The following PCDHA13 variants were observed in gnomAD, a reference collection of about 807,000 sequenced individuals.
The protein encoded by PCDHA13 is protocadherin alpha 13.
A neutral mutation model predicts 64.8 loss-of-function variants in PCDHA13; 54 were observed. The observed-to-expected ratio is 0.83, with a 90% CI of 0.67 to 1.04. PCDHA13 has a LOEUF of 1.04. PCDHA13 is among the 50% of genes least tolerant of loss of function. The probability of loss-of-function intolerance (pLI) is 0.00; values close to 1 mark genes in which losing one functional copy is unlikely to be tolerated. For missense variants in PCDHA13, 1,248 were observed against 1,254.3 expected (o/e 0.99, Z 0.08); for synonymous variants, 587 against 564.4 (o/e 1.04, Z -0.57).
intron 1 of PCDHA13, among the ~76,000 whole-genome samples, chr5:140,901,744 A>G (rs781984509): frequency 1.3e-5 from 2 of 152,144 alleles, no homozygotes; most frequent in Non-Finnish European, 2.9e-5. Context: ...AAGAATGTCC[A>G]TGGTATTTTG....
chr5:140,973,388 G>T (rs1192097180), intron 1 of PCDHA13, among the ~76,000 whole-genome samples: 4 of 152,202 alleles, frequency 2.6e-5, no homozygotes, highest in South Asian at 4.1e-4. Flanking sequence ...AATAGACAAA[G>T]AAATCATATC....
intron 1 of PCDHA13, among the ~76,000 whole-genome samples, chr5:140,913,414 CA>C: frequency 6.6e-6 from 1 of 152,102 alleles, no homozygotes; most frequent in African/African-American, 2.4e-5. Context: ...TGAATTCCTG[CA>C]GTATCAGTTG....
At chr5:140,968,442 T>C in intron 1 of PCDHA13, 1 of 1,614,068 alleles carries the variant, frequency 6.2e-7, no homozygotes, top group Non-Finnish European at 8.5e-7. Flanking sequence ...AGCCCACCAC[T>C]GAGCAGCACT....
In PCDHA13 at chr5:140,882,793, C is replaced by T. The variant is rs1176435531; in HGVS notation, c.525C>T (p.Asn175=). The T allele has an allele frequency of 1.9e-6, 3 of 1,614,210 alleles. No homozygotes were observed. The highest frequency in any genetic ancestry group is 2.5e-6 in the Non-Finnish European group (3 of 1,180,046). Residue 175 remains asparagine (N), a synonymous_variant, in exon 1 of 4, where the codon AAC becomes AAT. Transcript: ENST00000289272. ...CATTGACCTACCGACTGGATCCCAA[C>T]GATTATTTCACTTTGGACGCACAAA... The part of the protein sequence containing the change: ...NSALTYRLDP[N]DYFTLDAQNS...
At chr5:140,912,922 G>A (rs1554195623) in intron 1 of PCDHA13, among the ~76,000 whole-genome samples, 3 of 152,210 alleles carry the variant, frequency 2.0e-5, no homozygotes, top group African/African-American at 7.2e-5. Context: ...ATTTGTGTAT[G>A]TTGAATCATC....
intron 1 of PCDHA13, among the ~76,000 whole-genome samples, chr5:140,921,089 T>C (rs2080011859): frequency 6.6e-6 from 1 of 151,966 alleles, no homozygotes; most frequent in African/African-American, 2.4e-5. Context: ...AAGAGAATCC[T>C]CCTGCCTCAG....
At chr5:140,894,066 A>G (rs997633914) in intron 1 of PCDHA13, among the ~76,000 whole-genome samples, 1 of 152,204 alleles carries the variant, frequency 6.6e-6, no homozygotes, top group Admixed American at 6.5e-5. Context: ...ATTTTTAAAT[A>G]CATTTATTTT....
At chr5:140,928,157 C>T (rs782528366) in intron 1 of PCDHA13, 9 of 1,614,200 alleles carry the variant, frequency 5.6e-6, no homozygotes, top group Non-Finnish European at 7.6e-6. Flanking sequence ...GATAGTGGCT[C>T]ACCCCCACTT....
In PCDHA13 at chr5:140,928,114, A is replaced by C. The variant is rs200013855; in HGVS notation, c.2394+43452A>C. ...TGATGGGCCCCTGGACCGGGAGCAG[A>C]TCAGTGAATACCAAGTCCTGATCAC... On this transcript the variant is annotated intron_variant, in intron 1 of 3. Coordinates refer to ENST00000289272, the MANE Select transcript of PCDHA13 (RefSeq NM_018904.3). 280 of 1,614,088 alleles carry C rather than the reference A, an allele frequency of 1.7e-4. No individual in the cohort carries two copies. Among genetic ancestry groups the C allele is most frequent in the Middle Eastern group, 6.6e-4 (4 of 6,084 alleles).
At chr5:140,887,431 A>C (rs2061444829) in intron 1 of PCDHA13, among the ~76,000 whole-genome samples, 1 of 152,112 alleles carries the variant, frequency 6.6e-6, no homozygotes, top group African/African-American at 2.4e-5. Context: ...AAGTATTTTC[A>C]CTGGGCATAG....
intron 1 of PCDHA13, among the ~76,000 whole-genome samples, chr5:140,963,581 G>A (rs2095775682): frequency 6.6e-6 from 1 of 152,210 alleles, no homozygotes; most frequent in Non-Finnish European, 1.5e-5. Flanking sequence ...TTCTCAAAAT[G>A]TAGGATATAG....
rs782194525 is a variant in PCDHA13 at position 140,927,807 on chromosome 5, C to T, written c.2394+43145C>T. The T allele has an allele frequency of 8.7e-6, 14 of 1,614,088 alleles. No homozygotes were observed. In the African/African-American group the frequency reaches 1.3e-4, roughly 15 times the overall value. Reference sequence around the variant, plus strand: ...CTTCACTAGGTCCGCCTGAAACGCTCTTGGAGGCATACATTGAGGCGAGGG... The same window carrying T: ...CTTCACTAGGTCCGCCTGAAACGCTTTTGGAGGCATACATTGAGGCGAGGG... On this transcript the variant is annotated intron_variant, in intron 1 of 3. Coordinates refer to ENST00000289272, the MANE Select transcript of PCDHA13 (RefSeq NM_018904.3).
Position 141,009,759 on chromosome 5 carries a change from GATCTCCTGCAATCATCTCC to G in PCDHA13, c.2679_2697del (p.Pro894GlyfsTer15). 6.2e-7 allele frequency: 1 copy of G among 1,614,082 alleles called. No individual in the cohort carries two copies. The highest frequency in any genetic ancestry group is 8.5e-7 in the Non-Finnish European group (1 of 1,180,014). On this transcript the variant is annotated frameshift_variant, in exon 4 of 4. Transcript: ENST00000289272. LOFTEE classifies it high-confidence loss of function. Reference sequence around the variant, plus strand: ...TTGCCCGACAAATTCATTATCCCAGGATCTCCTGCAATCATCTCCATCCGGCAGGAGCCTACTAACAGCC... The same window carrying G: ...TTGCCCGACAAATTCATTATCCCAGGATCCGGCAGGAGCCTACTAACAGCC...
chr5:141,009,258 C>A (rs1311772308), intron 3 of PCDHA13, among the ~76,000 whole-genome samples: 1 of 152,086 alleles, frequency 6.6e-6, no homozygotes, highest in Admixed American at 6.6e-5. Flanking sequence ...TGTTTGAGAC[C>A]AGCCTGGGCA....
chr5:140,945,850 T>G (rs1472612975), intron 1 of PCDHA13, among the ~76,000 whole-genome samples: 1 of 152,102 alleles, frequency 6.6e-6, no homozygotes, highest in Non-Finnish European at 1.5e-5. Context: ...ATTAAAGACT[T>G]AAACATAGAC....
chr5:141,004,045 G>T (rs1588047334), intron 3 of PCDHA13, among the ~76,000 whole-genome samples: 1 of 152,222 alleles, frequency 6.6e-6, no homozygotes, highest in East Asian at 1.9e-4. Flanking sequence ...TTGATCATTT[G>T]CTGATACTGG....
rs189155751 is a variant in PCDHA13 at position 140,943,432 on chromosome 5, T to C, written c.2395-35517T>C. 2.8e-3 allele frequency among the ~76,000 whole-genome samples: 419 copies of C among 152,174 alleles called. 2 individuals carry two copies. The highest frequency in any genetic ancestry group is 0.014 in the Middle Eastern group (4 of 294). Reference sequence around the variant, plus strand: ...ACTAGAGGCAAGGGCTTTAATATGATATAAAGGATAGAATTGATAAGGCTA... The same window carrying C: ...ACTAGAGGCAAGGGCTTTAATATGACATAAAGGATAGAATTGATAAGGCTA... On this transcript the variant is annotated intron_variant, in intron 1 of 3. Coordinates refer to ENST00000289272, the MANE Select transcript of PCDHA13 (RefSeq NM_018904.3).
chr5:140,887,523 A>G (rs2061479096), intron 1 of PCDHA13, among the ~76,000 whole-genome samples: 1 of 152,078 alleles, frequency 6.6e-6, no homozygotes, highest in Non-Finnish European at 1.5e-5. Flanking sequence ...TTTATATATG[A>G]GTCTTCCTCT....
chr5:140,899,162 C>T (rs1237064232), intron 1 of PCDHA13, among the ~76,000 whole-genome samples: 31 of 152,224 alleles, frequency 2.0e-4, no homozygotes, highest in African/African-American at 7.2e-4. Flanking sequence ...TTCCTCTTTT[C>T]CTAATTGAAT....
Sources: allele counts gnomAD v4.1 joint callset (sites outside exome capture counted in the v4.1 genomes callset), GRCh38; gene constraint gnomAD v4.1.1; transcripts MANE v1.5; gene names NCBI Gene and HGNC (gene_info 2026-07-23, HGNC 2026-07-21).